SND1: variants seen among roughly 807,000 people sequenced by gnomAD.
SND1 encodes staphylococcal nuclease and tudor domain containing 1.
A neutral mutation model predicts 121.7 loss-of-function variants in SND1; 38 were observed. That is an observed-to-expected ratio of 0.31 (90% CI 0.24 to 0.41). The LOEUF is 0.41. SND1 is among the 10% of genes least tolerant of loss of function. The probability of loss-of-function intolerance (pLI) is 1.00; values close to 1 mark genes in which losing one functional copy is unlikely to be tolerated. For synonymous variants in SND1, 401 were observed against 447.4 expected, an observed-to-expected ratio of 0.90 and a Z score of 1.31; for missense variants, 868 against 1,184.6, an observed-to-expected ratio of 0.73 and a Z score of 3.92.
At chr7:127,853,163 G>GCT (rs1320195761) in intron 12 of SND1, among the ~76,000 whole-genome samples, 5 of 152,016 alleles carry the variant, frequency 3.3e-5, no homozygotes, top group Admixed American at 1.3e-4. Flanking sequence ...AGGGAAAGAG[G>GCT]CTCTCTGGTA....
chr7:127,763,657 T>C (rs1178177595), intron 10 of SND1, among the ~76,000 whole-genome samples: 3 of 152,274 alleles, frequency 2.0e-5, no homozygotes, highest in Admixed American at 2.0e-4. Context: ...CAGCAGGTGA[T>C]CTTTTTTTTA....
intron 15 of SND1, among the ~76,000 whole-genome samples, chr7:127,975,798 G>A (rs1169334205): frequency 4.6e-5 from 7 of 152,130 alleles, no homozygotes; most frequent in African/African-American, 7.2e-5. Context: ...GCGCTGTAGC[G>A]CCGAGCACGC....
chr7:128,014,264 T>C (rs1175383973), intron 16 of SND1, among the ~76,000 whole-genome samples: 1 of 152,190 alleles, frequency 6.6e-6, no homozygotes, highest in Non-Finnish European at 1.5e-5. Context: ...TCTTCTTGCC[T>C]CCCTTTTGAG....
chr7:127,780,202 G>A (rs531591203), intron 10 of SND1, among the ~76,000 whole-genome samples: 9 of 152,278 alleles, frequency 5.9e-5, no homozygotes, highest in East Asian at 5.8e-4. Context: ...GGACTGAATC[G>A]TTTATGTTAG....
intron 16 of SND1, among the ~76,000 whole-genome samples, chr7:127,997,259 C>A (rs894478280): frequency 6.6e-6 from 1 of 152,120 alleles, no homozygotes; most frequent in Non-Finnish European, 1.5e-5. Context: ...GGCAATAATT[C>A]TTTTAGCCAT....
chr7:127,989,079 T>C (rs1802461902), intron 15 of SND1, among the ~76,000 whole-genome samples: 1 of 152,258 alleles, frequency 6.6e-6, no homozygotes, highest in Non-Finnish European at 1.5e-5. Context: ...CATCTCTCCC[T>C]GTAGGGTTAA....
At chr7:127,795,604 G>C (rs1463794192) in intron 10 of SND1, among the ~76,000 whole-genome samples, 1 of 152,098 alleles carries the variant, frequency 6.6e-6, no homozygotes, top group Non-Finnish European at 1.5e-5. Flanking sequence ...GTTTTTTCAA[G>C]ATCATAAGTA....
intron 11 of SND1, among the ~76,000 whole-genome samples, chr7:127,812,792 T>TA (rs1344632334): frequency 1.3e-5 from 2 of 152,190 alleles, no homozygotes; most frequent in Non-Finnish European, 2.9e-5. Context: ...TGCTTTTCCT[T>TA]AAAAACACTT....
At chr7:128,030,583 G>C in intron 16 of SND1, 1 of 1,602,252 alleles carries the variant, frequency 6.2e-7, no homozygotes, top group Non-Finnish European at 8.5e-7. Flanking sequence ...TAGACGAACG[G>C]GAGCAGGATG....
chr7:127,939,680 G>T (rs959123636), intron 15 of SND1, among the ~76,000 whole-genome samples: 35 of 152,232 alleles, frequency 2.3e-4, no homozygotes, highest in African/African-American at 8.4e-4. Flanking sequence ...TGGTGTCATC[G>T]CCTTCTATGG....
chr7:127,686,940 A>G, intron 2 of SND1, 178 bp downstream of exon 2: 1 of 621,202 alleles, frequency 1.6e-6, no homozygotes, highest in Non-Finnish European at 2.6e-6. Flanking sequence ...TATGTTTACT[A>G]CCTTTAGTGG....
chr7:127,740,452 A>G (rs74651433), intron 10 of SND1, among the ~76,000 whole-genome samples: 2,606 of 152,300 alleles, frequency 0.017, 77 homozygotes, highest in African/African-American at 0.059. Context: ...AGAGTCCCCA[A>G]AGAATCACAG....
intron 12 of SND1, among the ~76,000 whole-genome samples, chr7:127,870,778 C>T (rs1407075070): frequency 6.6e-6 from 1 of 152,128 alleles, no homozygotes. Flanking sequence ...ACTTTATAAA[C>T]TGTACGCTTA....
chr7:127,955,504 T>G (rs1425859238), intron 15 of SND1, among the ~76,000 whole-genome samples: 1 of 152,032 alleles, frequency 6.6e-6, no homozygotes, highest in Non-Finnish European at 1.5e-5. Context: ...AGTGGAGTTG[T>G]GGGGGGGTGG....
chr7:127,798,289 C>T (rs1026563102), intron 10 of SND1, among the ~76,000 whole-genome samples: 1 of 152,172 alleles, frequency 6.6e-6, no homozygotes, highest in African/African-American at 2.4e-5. Flanking sequence ...TTGCCACTGC[C>T]TCTTCTTTTC....
intron 16 of SND1, 33 bp downstream of exon 16, chr7:127,991,089 G>T: frequency 6.5e-7 from 1 of 1,529,536 alleles, no homozygotes; most frequent in Non-Finnish European, 9.0e-7. Context: ...CTTCTGTGAG[G>T]AGGGGTGACA....
intron 15 of SND1, among the ~76,000 whole-genome samples, chr7:127,949,473 A>C (rs1395553758): frequency 6.6e-6 from 1 of 152,192 alleles, no homozygotes; most frequent in Non-Finnish European, 1.5e-5. Context: ...TTACAGCTTT[A>C]ACTATTAAAT....
At chr7:127,683,819 A>G (rs2116298261) in intron 1 of SND1, among the ~76,000 whole-genome samples, 1 of 152,366 alleles carries the variant, frequency 6.6e-6, no homozygotes, top group African/African-American at 2.4e-5. Context: ...TAAAAGGTGT[A>G]GAGAGCCTGT....
chr7:127,820,684 T>C (rs1331078109), intron 11 of SND1, among the ~76,000 whole-genome samples: 1 of 152,140 alleles, frequency 6.6e-6, no homozygotes, highest in African/African-American at 2.4e-5. Context: ...TGTCCCTCTC[T>C]ATCTTTCCTT....
Sources: gnomAD v4.1 joint callset for allele counts (sites outside exome capture counted in the v4.1 genomes callset) on GRCh38, gnomAD v4.1.1 for gene constraint, MANE v1.5 for transcripts, NCBI Gene and HGNC (gene_info 2026-07-23, HGNC 2026-07-21) for gene names.